The following FXYD3 variants were observed in gnomAD, a reference collection of about 807,000 sequenced individuals.
The protein encoded by FXYD3 is FXYD domain containing ion transport regulator 3.
In FXYD3, 13 loss-of-function variants were observed where a neutral mutation model predicts 19.2. The observed-to-expected ratio is 0.68, with a 90% CI of 0.44 to 1.08. The LOEUF is 1.08. Ranked by LOEUF, FXYD3 falls within the 50% of genes least tolerant of loss-of-function variation. The pLI, the probability that FXYD3 is intolerant of heterozygous loss-of-function variation, is 0.00. For missense variants in FXYD3, 101 were observed against 109.4 expected, an observed-to-expected ratio of 0.92 and a Z score of 0.34; for synonymous variants, 48 against 38.9, an observed-to-expected ratio of 1.23 and a Z score of -0.87.
chr19:35,120,921 C>T (rs963128300), intron 3 of FXYD3, among the ~76,000 whole-genome samples, 157 bp from the exon 4 acceptor site: 1 of 152,180 alleles, frequency 6.6e-6, no homozygotes. Flanking sequence ...CACATTTCCT[C>T]GTTGGGATAT....
intron 3 of FXYD3, 170 bp downstream of exon 3, chr19:35,119,586 GAAGAGCTGGCTCA>G: frequency 1.6e-6 from 1 of 610,030 alleles, no homozygotes; most frequent in East Asian, 2.8e-5. Context: ...GGATACACGA[GAAGAGCTGGCTCA>G]CACAGCTGGA....
chr19:35,119,106 G>A, intron 2 of FXYD3: 1 of 1,228,242 alleles, frequency 8.1e-7, no homozygotes, highest in Non-Finnish European at 1.2e-6. Context: ...TTGGTTGCGG[G>A]GCGATTCCCA....
intron 2 of FXYD3, 190 bp downstream of exon 2, chr19:35,116,549 C>G: frequency 1.0e-6 from 1 of 985,430 alleles, no homozygotes; most frequent in Non-Finnish European, 1.2e-6. Flanking sequence ...CCCCACCATT[C>G]TCCTCTCAGG....
chr19:35,121,350 G>T (rs1488420227), intron 5 of FXYD3, 105 bp downstream of exon 5: 1 of 1,613,570 alleles, frequency 6.2e-7, no homozygotes, highest in East Asian at 2.2e-5. Context: ...ACAGGACAAA[G>T]ATACGAAGGG....
At chr19:35,119,133 T>C (rs80021793) in intron 2 of FXYD3, 26,627 of 1,468,550 alleles carry the variant, frequency 0.018, 327 homozygotes, top group Middle Eastern at 0.031. Flanking sequence ...CTGAAGTCCA[T>C]GTCCAGTGAG....
At chr19:35,117,326 G>A in intron 2 of FXYD3, 2 of 1,509,094 alleles carry the variant, frequency 1.3e-6, no homozygotes, top group East Asian at 2.6e-5. Context: ...GGTATAGTGG[G>A]GCCTTGCAGG....
Position 35,123,669 on chromosome 19 carries a change from A to C in FXYD3, c.*212A>C. On this transcript the variant is annotated 3_prime_UTR_variant, in exon 9 of 9. Coordinates refer to ENST00000604404, the MANE Select transcript of FXYD3 (RefSeq NM_005971.4). ...GTGCCTCTGCCCAAGCAGCCTGGAG[A>C]CTTCCTATGTGTGCATTGGGGTGGG... 5.0e-6 allele frequency: 3 copies of C among 604,720 alleles called. No individual in the cohort carries two copies. The highest frequency in any genetic ancestry group is 8.8e-6 in the Non-Finnish European group (3 of 341,430). The allele number at this position is 604,720 out of a possible 1,614,324, so 37.5% of individuals were successfully genotyped here. A position where few individuals can be genotyped will look rare whatever the true frequency, so the allele number is the denominator to read the frequency against.
At chr19:35,116,892 G>T in intron 2 of FXYD3, 2 of 981,410 alleles carry the variant, frequency 2.0e-6, no homozygotes. Context: ...GCTGCTGGGG[G>T]AAGCTTTAAA....
chr19:35,123,491 C>T lies in FXYD3; in HGVS notation c.*34C>T, dbSNP rs749200117. The T allele has an allele frequency of 2.7e-5, 44 of 1,612,416 alleles. No homozygotes were observed. Among genetic ancestry groups the T allele is most frequent in the South Asian group, 1.1e-4 (10 of 91,022 alleles). On this transcript the variant is annotated 3_prime_UTR_variant, in exon 9 of 9. Coordinates refer to ENST00000604404, the MANE Select transcript of FXYD3 (RefSeq NM_005971.4). ...GACCAGCTGAAATTGGGTGGAGGAC[C>T]GTTCTCTGTCCCCAGGTCCTGTCTC...
intron 2 of FXYD3, 139 bp from the exon 3 acceptor site, chr19:35,119,224 C>T: frequency 6.2e-7 from 1 of 1,602,010 alleles, no homozygotes; most frequent in Non-Finnish European, 8.5e-7. Context: ...TCTCTCAGCC[C>T]AGCGAGATGC....
chr19:35,116,647 T>C (rs757438795), intron 2 of FXYD3: 1 of 985,142 alleles, frequency 1.0e-6, no homozygotes, highest in Non-Finnish European at 1.2e-6. Flanking sequence ...ATTAGGGATA[T>C]CTGGGTTGGG....
Position 35,122,873 on chromosome 19 carries a change from G to A in FXYD3, c.172+34G>A, listed in dbSNP as rs137969961. 25 of 1,613,766 alleles carry A rather than the reference G, an allele frequency of 1.5e-5. No homozygotes were observed. In the East Asian group the frequency reaches 1.6e-4, roughly 10 times the overall value. On this transcript the variant is annotated intron_variant, in intron 6 of 8. Coordinates refer to ENST00000604404, the MANE Select transcript of FXYD3 (RefSeq NM_005971.4). ...AGGAGCTCGGGGGAGCAGGCGGGCC[G>A]GGGCTGGGGCTCCCCTCCCCTGACC...
chr19:35,122,736 C>T, intron 5 of FXYD3, 29 bp from the exon 6 acceptor site: 2 of 1,569,228 alleles, frequency 1.3e-6, no homozygotes, highest in East Asian at 4.5e-5. Context: ...CACAGGCTGG[C>T]ACTGAGGTCC....
intron 2 of FXYD3, chr19:35,116,983 C>T: frequency 1.0e-6 from 1 of 985,294 alleles, no homozygotes; most frequent in Non-Finnish European, 1.2e-6. Context: ...ACCATTCTCC[C>T]ATGGTATGGA....
Position 35,116,639 on chromosome 19 carries a change from T to C in FXYD3, c.-15+280T>C, listed in dbSNP as rs184247078. 122 of 985,110 alleles carry C rather than the reference T, an allele frequency of 1.2e-4. No individual in the cohort carries two copies. In the African/African-American group the frequency reaches 1.9e-3, roughly 15 times the overall value. The allele number at this position is 985,110 out of a possible 1,614,324, so 61.0% of individuals were successfully genotyped here. A position where few individuals can be genotyped will look rare whatever the true frequency, so the allele number is the denominator to read the frequency against. On this transcript the variant is annotated intron_variant, in intron 2 of 8. Transcript: ENST00000604404. ...CTGAAAGACTAGTGTCTGCATGGAT[T>C]AGGGATATCTGGGTTGGGGATAGCT...
intron 2 of FXYD3, 106 bp downstream of exon 2, chr19:35,116,465 A>G: frequency 1.0e-6 from 1 of 985,432 alleles, no homozygotes; most frequent in South Asian, 4.7e-5. Context: ...TTTATGTTAA[A>G]GCGCCTAAAA....
In FXYD3 at chr19:35,122,787, C is replaced by T. The variant is rs376812251; in HGVS notation, c.120C>T (p.Gly40=). 2.9e-5 allele frequency: 46 copies of T among 1,613,678 alleles called. 2 individuals carry two copies. The African/African-American group carries it at 3.7e-4, about 13-fold the overall frequency. The change falls in exon 6 of 9, where the codon GGC becomes GGT. Residue 40 remains glycine, a synonymous_variant. Transcript: ENST00000604404. ...TAGACTGGCACAGCCTCCAGGTTGGCGGGCTCATCTGCGCTGGGGTTCTGT... is the reference window on the plus strand; with the variant it reads ...TAGACTGGCACAGCCTCCAGGTTGGTGGGCTCATCTGCGCTGGGGTTCTGT... ...FYYDWHSLQV[G]GLICAGVLCA...
In FXYD3 at chr19:35,121,071, C is replaced by T. The variant is rs550032977; in HGVS notation, c.41-7C>T. 6 of 1,612,572 alleles carry T rather than the reference C, an allele frequency of 3.7e-6. No individual in the cohort carries two copies. The East Asian group carries it at 1.3e-4, about 36-fold the overall frequency. Reference sequence around the variant, plus strand: ...CATCTCCCCTCCTTCCCCTCTTCTCCCACTAGGCTTTCCTGTCCTGGACGC... The same window carrying T: ...CATCTCCCCTCCTTCCCCTCTTCTCTCACTAGGCTTTCCTGTCCTGGACGC... On this transcript the variant is annotated splice_region_variant and splice_polypyrimidine_tract_variant and intron_variant, in intron 3 of 8. Transcript: ENST00000604404.
chr19:35,119,300 C>T, intron 2 of FXYD3, 63 bp from the exon 3 acceptor site: 1 of 1,608,978 alleles, frequency 6.2e-7, no homozygotes, highest in South Asian at 1.1e-5. Context: ...GTTGGGGAGC[C>T]ACAGGCACAG....
Sources: allele counts gnomAD v4.1 joint callset (sites outside exome capture counted in the v4.1 genomes callset), GRCh38; gene constraint gnomAD v4.1.1; transcripts MANE v1.5; gene names NCBI Gene and HGNC (gene_info 2026-07-23, HGNC 2026-07-21).